LRP12: variants seen among roughly 807,000 people sequenced by gnomAD.
The protein encoded by LRP12 is low-density lipoprotein receptor-related protein 12.
A neutral mutation model predicts 66.0 loss-of-function variants in LRP12; 14 were observed. That is an observed-to-expected ratio of 0.21 (90% CI 0.14 to 0.33). The LOEUF (loss-of-function observed/expected upper bound fraction) is 0.33. Among genes scored for constraint, LRP12 ranks in the 10% least tolerant of loss-of-function variants. The probability of loss-of-function intolerance (pLI) is 1.00; values close to 1 mark genes in which losing one functional copy is unlikely to be tolerated. For synonymous variants in LRP12, 357 were observed against 359.1 expected, an observed-to-expected ratio of 0.99 and a Z score of 0.07; for missense variants, 889 against 1,053.4, an observed-to-expected ratio of 0.84 and a Z score of 2.16.
chr8:104,566,605 T>C (rs891495176), intron 1 of LRP12, among the ~76,000 whole-genome samples: 8 of 152,230 alleles, frequency 5.3e-5, no homozygotes. Flanking sequence ...AACTTGTGAT[T>C]TGTAAAGTAC....
intron 3 of LRP12, chr8:104,507,750 C>T (rs1173079618): frequency 3.3e-5 from 5 of 152,090 alleles, no homozygotes; most frequent in Admixed American, 6.6e-5. Context: ...AGAACAACAG[C>T]TTTTGTATGT....
chr8:104,545,457 C>T (rs943165488), intron 1 of LRP12, among the ~76,000 whole-genome samples: 6 of 152,078 alleles, frequency 3.9e-5, no homozygotes, highest in African/African-American at 1.2e-4. Context: ...ACAGAGAAAG[C>T]TTTTATGAAG....
In LRP12 at chr8:104,497,391, C is replaced by A. The variant is rs749707470; in HGVS notation, c.1161G>T (p.Gly387=). 6.2e-7 allele frequency: 1 copy of A among 1,613,898 alleles called. No homozygotes were observed. Among genetic ancestry groups the A allele is most frequent in the South Asian group, 1.1e-5 (1 of 91,014 alleles). Residue 387 remains glycine, a synonymous_variant, in exon 5 of 7, where the codon GGG becomes GGT. Coordinates refer to ENST00000276654, the MANE Select transcript of LRP12 (RefSeq NM_013437.5). The surrounding 1 kb of genome is among the most constrained non-coding windows in gnomAD (Gnocchi z 4.3). The part of the protein sequence containing the change: ...PWEIPCGGNW[G]CYTEQQRCDG... ...CACAACGCTGCTGCTCAGTATAACA[C>A]CCCCAGTTACCTCCACAGGGTATTT...
At chr8:104,515,081 T>A (rs769631358) in intron 2 of LRP12, among the ~76,000 whole-genome samples, 1 of 152,300 alleles carries the variant, frequency 6.6e-6, no homozygotes, top group East Asian at 1.9e-4. Flanking sequence ...ATGGGAAGGA[T>A]AGGGTTGGGA....
At chr8:104,588,281 C>G (rs944731048) in intron 1 of LRP12, among the ~76,000 whole-genome samples, 1 of 151,868 alleles carries the variant, frequency 6.6e-6, no homozygotes, top group Non-Finnish European at 1.5e-5. Context: ...TCGGCAGAGC[C>G]CTTGCCCCCG....
intron 1 of LRP12, among the ~76,000 whole-genome samples, chr8:104,581,795 G>A (rs757740387): frequency 6.6e-5 from 10 of 151,760 alleles, no homozygotes; most frequent in South Asian, 2.1e-4. Flanking sequence ...AGACAGACAT[G>A]AACCTTAGGC....
At chr8:104,541,343 G>A (rs1180674752) in intron 1 of LRP12, among the ~76,000 whole-genome samples, 1 of 152,118 alleles carries the variant, frequency 6.6e-6, no homozygotes, top group African/African-American at 2.4e-5. Context: ...TGATAAAAGA[G>A]CTCACAACAT....
intron 1 of LRP12, among the ~76,000 whole-genome samples, chr8:104,548,227 TATTTATATTAATATACG>T: frequency 9.7e-6 from 1 of 103,376 alleles, no homozygotes; most frequent in African/African-American, 4.3e-5. Context: ...ATATATGATA[TATTTATATTAATATACG>T]ATATATATTA....
At chr8:104,538,644 T>G (rs555548204) in intron 1 of LRP12, among the ~76,000 whole-genome samples, 1 of 152,112 alleles carries the variant, frequency 6.6e-6, no homozygotes, top group Non-Finnish European at 1.5e-5. Context: ...TCACACATCA[T>G]GGGCCTCCTA....
In LRP12 at chr8:104,491,375, A is replaced by G; in HGVS notation, c.1878T>C (p.Asp626=). 1 of 1,614,124 alleles carries G rather than the reference A, an allele frequency of 6.2e-7. No homozygotes were observed. The highest frequency in any genetic ancestry group is 8.5e-7 in the Non-Finnish European group (1 of 1,180,006). Residue 626 remains aspartate (D), a synonymous_variant, in exon 7 of 7, where the codon GAT becomes GAC. Transcript: ENST00000276654. ...TGGTACTCTGACTAGGGACAACCTC[A>G]TCTCCATCTGCTGAGACCAAAGCCA... The part of the protein sequence containing the change: ...GSLALVSADG[D]EVVPSQSTSR...
Position 104,497,902 on chromosome 8 carries a change from T to A in LRP12, c.650A>T (p.Tyr217Phe). The A allele has an allele frequency of 6.2e-7, 1 of 1,614,200 alleles. No homozygotes were observed. ...PTAAAFQPCA[Y>F]NQFQCLSRFT... Reference sequence around the variant, plus strand: ...ACGGGATAAACACTGGAACTGGTTGTAAGCACAGGGTTGAAAAGCAGCAGC... The same window carrying A: ...ACGGGATAAACACTGGAACTGGTTGAAAGCACAGGGTTGAAAAGCAGCAGC... Residue 217 changes from tyrosine (Y) to phenylalanine (F), a missense_variant, in exon 5 of 7, where the codon TAC becomes TTC. Around this residue, in one of 3 missense-constraint regions of LRP12, gnomAD observed 800 missense variants for 964.5 expected, o/e 0.83. Transcript: ENST00000276654. This position sits in a 1 kb window ranked among gnomAD's most constrained non-coding sequence, Gnocchi z 4.3.
At chr8:104,529,959 C>T (rs1269904930) in intron 2 of LRP12, among the ~76,000 whole-genome samples, 6 of 152,222 alleles carry the variant, frequency 3.9e-5, no homozygotes, top group African/African-American at 1.4e-4. Flanking sequence ...TCAAACAAAA[C>T]ATGATGTTGC....
intron 1 of LRP12, among the ~76,000 whole-genome samples, chr8:104,573,757 G>T (rs926962206): frequency 6.6e-6 from 1 of 151,420 alleles, no homozygotes; most frequent in African/African-American, 2.4e-5. Flanking sequence ...ACAAAAAAAA[G>T]ATCGTAAGTG....
chr8:104,557,273 A>C (rs1811824955), intron 1 of LRP12, among the ~76,000 whole-genome samples: 1 of 152,294 alleles, frequency 6.6e-6, no homozygotes, highest in Admixed American at 6.5e-5. Context: ...TAGTACTGGA[A>C]GTCTTAGCCA....
chr8:104,566,174 T>C (rs77708780), intron 1 of LRP12: 15,333 of 628,930 alleles, frequency 0.024, 326 homozygotes, highest in South Asian at 0.043. Context: ...TACACAAAGA[T>C]TCTTGATGTT....
intron 1 of LRP12, among the ~76,000 whole-genome samples, chr8:104,581,494 T>C (rs1812248900): frequency 6.6e-6 from 1 of 151,686 alleles, no homozygotes; most frequent in Non-Finnish European, 1.5e-5. Context: ...AGTTTACTTA[T>C]ATAACAAACC....
chr8:104,491,569 G>A (rs576384575), intron 6 of LRP12, 30 bp from the exon 7 acceptor site: 1 of 1,364,594 alleles, frequency 7.3e-7, no homozygotes, highest in Admixed American at 2.3e-5. Flanking sequence ...TCTTAAGATA[G>A]TTAACAACAA....
chr8:104,541,012 G>C (rs1323825263), intron 1 of LRP12, among the ~76,000 whole-genome samples: 1 of 152,190 alleles, frequency 6.6e-6, no homozygotes, highest in Non-Finnish European at 1.5e-5. Flanking sequence ...GATTACAGGC[G>C]TGAGCCACCG....
intron 2 of LRP12, among the ~76,000 whole-genome samples, chr8:104,516,502 T>C (rs1479354132): frequency 6.6e-6 from 1 of 152,152 alleles, no homozygotes; most frequent in Non-Finnish European, 1.5e-5. Flanking sequence ...GATCCTCTGA[T>C]GGAGTTCTTA....
Sources: gnomAD v4.1 joint callset for allele counts (sites outside exome capture counted in the v4.1 genomes callset) on GRCh38, gnomAD v4.1.1 for gene constraint, gnomAD v4.1.1 regional missense constraint, Gnocchi (gnomAD v3.1) non-coding constraint, MANE v1.5 for transcripts, NCBI Gene and HGNC (gene_info 2026-07-23, HGNC 2026-07-21) for gene names.